The following TACC1 variants were observed in gnomAD, a reference collection of about 807,000 sequenced individuals.
The protein encoded by TACC1 is transforming acidic coiled-coil-containing protein 1.
A neutral mutation model predicts 84.4 loss-of-function variants in TACC1; 48 were observed. The ratio of observed to expected loss-of-function variants is 0.57; its 90% CI spans 0.45 to 0.72. TACC1 has a LOEUF of 0.72. TACC1 is among the 30% of genes least tolerant of loss of function. The pLI is 0.00. For missense variants in TACC1, 920 were observed against 973.0 expected (o/e 0.95, Z 0.72); for synonymous variants, 372 against 376.3 (o/e 0.99, Z 0.13).
At chr8:38,762,618 G>A (rs76363877) in intron 3 of TACC1, among the ~76,000 whole-genome samples, 80 of 151,580 alleles carry the variant, frequency 5.3e-4, no homozygotes, top group African/African-American at 1.7e-3. Context: ...GTACAGTGGC[G>A]TGATCTTGGC....
chr8:38,839,297 C>T (rs529057057), intron 8 of TACC1: 1 of 394,822 alleles, frequency 2.5e-6, no homozygotes, highest in Non-Finnish European at 4.5e-6. Flanking sequence ...GACTTGAAAT[C>T]GAAATCTTTT....
chr8:38,743,170 T>C (rs1353193457), intron 2 of TACC1, among the ~76,000 whole-genome samples: 5 of 152,178 alleles, frequency 3.3e-5, no homozygotes, highest in South Asian at 2.1e-4. Context: ...GGGTACAGAT[T>C]TGCAAGACGT....
chr8:38,819,478 T>G (rs772209195), intron 2 of TACC1, 44 bp from the exon 3 acceptor site: 31 of 1,555,358 alleles, frequency 2.0e-5, no homozygotes, highest in Non-Finnish European at 1.5e-5. Flanking sequence ...TACTTACCAG[T>G]GACAGATAAT....
chr8:38,846,531 TTAAAA>T lies in TACC1; in HGVS notation c.2229-166_2229-162del, dbSNP rs1832328363. 8.9e-6 allele frequency: 6 copies of T among 674,022 alleles called. No individual in the cohort carries two copies. The East Asian group carries it at 1.6e-4, about 18-fold the overall frequency. 41.8% of individuals were successfully genotyped at this position (674,022 alleles called of 1,614,324 possible). A position where few individuals can be genotyped will look rare whatever the true frequency, so the allele number is the denominator to read the frequency against. On this transcript the variant is annotated intron_variant, in intron 11 of 12. Coordinates refer to ENST00000317827, the MANE Select transcript of TACC1 (RefSeq NM_006283.3). ...TGTCTGTAAATTGAATTTTTATAAA[TTAAAA>T]TGGAATTATTTAGGTCACCGATTTT...
At chr8:38,828,283 T>TCTTTTAATCAAGTTAA (rs1248277117) in intron 5 of TACC1, among the ~76,000 whole-genome samples, 3 of 152,246 alleles carry the variant, frequency 2.0e-5, no homozygotes, top group African/African-American at 7.2e-5. Context: ...AGAAGTTAAG[T>TCTTTTAATCAAGTTAA]GACTTGATTA....
chr8:38,845,668 A>G (rs1240513533), intron 11 of TACC1, among the ~76,000 whole-genome samples: 2 of 152,186 alleles, frequency 1.3e-5, no homozygotes, highest in Admixed American at 6.5e-5. Flanking sequence ...CATCCTGTGC[A>G]CTCACTGTTA....
intron 3 of TACC1, chr8:38,757,209 G>GGCCCCC: frequency 1.5e-5 from 4 of 262,220 alleles, no homozygotes; most frequent in Non-Finnish European, 3.0e-5. Flanking sequence ...ACGGCCGGGC[G>GGCCCCC]CCCCACCCCG....
At chr8:38,767,534 C>G (rs1812472480) in intron 3 of TACC1, among the ~76,000 whole-genome samples, 1 of 152,198 alleles carries the variant, frequency 6.6e-6, no homozygotes, top group Admixed American at 6.5e-5. Context: ...AGAAGAGAGA[C>G]AGAGAGAGTA....
At chr8:38,819,385 C>A in intron 2 of TACC1, 137 bp from the exon 3 acceptor site, 1 of 1,020,780 alleles carries the variant, frequency 9.8e-7, no homozygotes, top group Non-Finnish European at 1.4e-6. Flanking sequence ...GTGCTGCCAT[C>A]CTTCCTGAAC....
chr8:38,771,920 C>A (rs1315585198), intron 3 of TACC1, among the ~76,000 whole-genome samples: 2 of 152,030 alleles, frequency 1.3e-5, no homozygotes, highest in Non-Finnish European at 2.9e-5. Flanking sequence ...ATTTGCACTT[C>A]TAAGGTGTTC....
chr8:38,762,319 T>G (rs1318937668), intron 3 of TACC1, among the ~76,000 whole-genome samples: 1 of 152,024 alleles, frequency 6.6e-6, no homozygotes, highest in East Asian at 1.9e-4. Context: ...CCATCCTATT[T>G]TCCGTCTCTA....
intron 3 of TACC1, among the ~76,000 whole-genome samples, chr8:38,768,538 G>A (rs1299477944): frequency 6.6e-6 from 1 of 152,146 alleles, no homozygotes; most frequent in Admixed American, 6.5e-5. Flanking sequence ...AGTGTCAAAA[G>A]TTCAATTTTT....
chr8:38,767,512 C>A (rs1358372991), intron 3 of TACC1, among the ~76,000 whole-genome samples: 1 of 152,158 alleles, frequency 6.6e-6, no homozygotes, highest in Admixed American at 6.5e-5. Flanking sequence ...GAATAGCTGG[C>A]AATAATGGGG....
At chr8:38,813,480 C>T (rs1196827506) in intron 2 of TACC1, among the ~76,000 whole-genome samples, 3 of 152,174 alleles carry the variant, frequency 2.0e-5, no homozygotes, top group Admixed American at 6.5e-5. Context: ...TCCAAACCCT[C>T]AGTGCATTTT....
intron 3 of TACC1, among the ~76,000 whole-genome samples, chr8:38,780,232 T>C (rs1317229039): frequency 2.0e-5 from 3 of 152,254 alleles, no homozygotes; most frequent in Non-Finnish European, 4.4e-5. Flanking sequence ...CTAATCCATC[T>C]GGAATTTATC....
rs762260937 is a variant in TACC1 at position 38,824,054 on chromosome 8, C to T, written c.1392-1254C>T. ...AGTACTCCTGCTGTTTCTTTAGTCC[C>T]TGGGACCGTTGGCAGTTTCCTCTCT... On this transcript the variant is annotated intron_variant, in intron 3 of 12. Coordinates refer to ENST00000317827, the MANE Select transcript of TACC1 (RefSeq NM_006283.3). 4 of 1,351,040 alleles carry T rather than the reference C, an allele frequency of 3.0e-6. No homozygotes were observed. In the Admixed American group the frequency reaches 7.6e-5, roughly 26 times the overall value. 83.7% of individuals were successfully genotyped at this position (1,351,040 alleles called of 1,614,324 possible). A position where few individuals can be genotyped will look rare whatever the true frequency, so the allele number is the denominator to read the frequency against.
At chr8:38,745,468 A>G in exon 3 of TACC1, 1 of 688,578 alleles carries the variant, frequency 1.5e-6, no homozygotes, top group Non-Finnish European at 2.6e-6. Flanking sequence ...TGACCTGGAG[A>G]TGAATAATAT....
intron 2 of TACC1, chr8:38,802,351 A>G (rs965898920): frequency 6.6e-6 from 1 of 152,118 alleles, no homozygotes; most frequent in African/African-American, 2.4e-5. Context: ...CCTGAGCTCC[A>G]CCTCCTCTCA....
chr8:38,744,339 C>T (rs1807652507), intron 2 of TACC1, among the ~76,000 whole-genome samples: 1 of 152,176 alleles, frequency 6.6e-6, no homozygotes. Flanking sequence ...TGGTTTCGAA[C>T]TCCTGACCTC....
Sources: gnomAD v4.1 joint callset for allele counts (sites outside exome capture counted in the v4.1 genomes callset) on GRCh38, gnomAD v4.1.1 for gene constraint, MANE v1.5 for transcripts, NCBI Gene and HGNC (gene_info 2026-07-23, HGNC 2026-07-21) for gene names.